SRGAP2B: variants seen among roughly 807,000 people sequenced by gnomAD.
SRGAP2B encodes the protein SLIT-ROBO Rho GTPase-activating protein 2B.
A neutral mutation model predicts 22.2 loss-of-function variants in SRGAP2B; 9 were observed. The ratio of observed to expected loss-of-function variants is 0.41; its 90% CI spans 0.24 to 0.71. The LOEUF (loss-of-function observed/expected upper bound fraction) is 0.71, where lower values mean the gene tolerates loss of function less well. Ranked by LOEUF, SRGAP2B falls within the 30% of genes least tolerant of loss-of-function variation. The pLI is 0.35. For synonymous variants in SRGAP2B, 36 were observed against 87.4 expected (o/e 0.41, Z 3.28); for missense variants, 114 against 235.8 (o/e 0.48, Z 3.38).
At chr1:145,006,639 A>G (rs1367429504) in intron 2 of SRGAP2B, among the ~76,000 whole-genome samples, 1 of 150,682 alleles carries the variant, frequency 6.6e-6, no homozygotes, top group East Asian at 1.9e-4. Context: ...CAACAACTCA[A>G]TATACATGTG....
At position 144,930,598 on chromosome 1, in the gene SRGAP2B, T is replaced by A. The variant is rs189960139; in HGVS notation, c.424-15844A>T. Reference sequence around the variant, plus strand: ...GGGGTCTGAGAAAGATTTGGGCATCTAGTTCGTGAGACATGTGAAAATGTC... The same window carrying A: ...GGGGTCTGAGAAAGATTTGGGCATCAAGTTCGTGAGACATGTGAAAATGTC... On this transcript the variant is annotated intron_variant, in intron 4 of 9. Transcript: ENST00000612199. Among the ~76,000 whole-genome samples, 225 of 150,790 alleles carry A rather than the reference T, an allele frequency of 1.5e-3. 6 individuals carry two copies. The highest frequency in any genetic ancestry group is 5.4e-3 in the African/African-American group (219 of 40,292).
chr1:144,924,620 T>C (rs1332501432), intron 4 of SRGAP2B, among the ~76,000 whole-genome samples: 1 of 151,224 alleles, frequency 6.6e-6, no homozygotes, highest in East Asian at 1.9e-4. Flanking sequence ...TAGTCCCAGC[T>C]ATTCGGGAGG....
intron 3 of SRGAP2B, among the ~76,000 whole-genome samples, chr1:144,991,384 G>C (rs1570946243): frequency 6.7e-6 from 1 of 150,374 alleles, no homozygotes; most frequent in South Asian, 2.1e-4. Context: ...TCGACACTCT[G>C]TATCTAGCTG....
At chr1:145,040,445 C>A (rs1400732270) in intron 2 of SRGAP2B, among the ~76,000 whole-genome samples, 6 of 149,676 alleles carry the variant, frequency 4.0e-5, no homozygotes, top group Admixed American at 3.3e-4. Flanking sequence ...TAAATTAGAT[C>A]ATTTAATTCA....
intron 4 of SRGAP2B, among the ~76,000 whole-genome samples, chr1:144,951,204 C>T (rs1274904396): frequency 2.0e-5 from 3 of 147,828 alleles, no homozygotes; most frequent in African/African-American, 7.8e-5. Flanking sequence ...CAGACAGGGT[C>T]TGGCTCTGTT....
chr1:145,017,694 AT>A (rs1192298979), intron 2 of SRGAP2B, among the ~76,000 whole-genome samples: 1 of 146,718 alleles, frequency 6.8e-6, no homozygotes, highest in Non-Finnish European at 1.5e-5. Flanking sequence ...ATTCATTGTT[AT>A]ATCCCAGCAC....
intron 3 of SRGAP2B, among the ~76,000 whole-genome samples, chr1:144,984,359 C>CAAA (rs1462439817): frequency 5.5e-5 from 7 of 127,034 alleles, no homozygotes; most frequent in East Asian, 4.3e-4. Flanking sequence ...ACAACAACAA[C>CAAA]AACAACAAAA....
chr1:144,967,552 A>G (rs1389515927), intron 3 of SRGAP2B, among the ~76,000 whole-genome samples: 3 of 148,786 alleles, frequency 2.0e-5, no homozygotes, highest in Admixed American at 6.7e-5. Flanking sequence ...AAGATCCAAA[A>G]TTGACACCCT....
chr1:144,956,436 T>C, intron 3 of SRGAP2B, among the ~76,000 whole-genome samples: 2 of 128,912 alleles, frequency 1.6e-5, no homozygotes, highest in African/African-American at 3.1e-5. Context: ...AGGTGCTCAT[T>C]CCCTTTTTTT....
At chr1:144,941,582 A>G (rs1389868077) in intron 4 of SRGAP2B, among the ~76,000 whole-genome samples, 10 of 150,054 alleles carry the variant, frequency 6.7e-5, no homozygotes, top group African/African-American at 2.5e-4. Flanking sequence ...TAGAAAAACT[A>G]AAAGACCAGA....
intron 4 of SRGAP2B, among the ~76,000 whole-genome samples, chr1:144,925,694 C>T (rs1321766051): frequency 1.8e-5 from 1 of 56,512 alleles, no homozygotes; most frequent in Non-Finnish European, 3.5e-5. Context: ...AGTGGGGGGG[C>T]AGAGAGAGAG....
intron 3 of SRGAP2B, among the ~76,000 whole-genome samples, chr1:144,971,194 G>A (rs1449871911): frequency 4.7e-5 from 7 of 147,510 alleles, no homozygotes; most frequent in South Asian, 2.1e-4. Context: ...GCAATGGTGC[G>A]ATCTCGGCTC....
intron 3 of SRGAP2B, among the ~76,000 whole-genome samples, chr1:144,972,784 A>C: frequency 6.7e-6 from 1 of 149,094 alleles, no homozygotes. Flanking sequence ...TTCTCAAAAA[A>C]TTAAGTAGGC....
chr1:145,016,829 G>C lies in SRGAP2B; in HGVS notation c.68-21629C>G, dbSNP rs1476230018. On this transcript the variant is annotated intron_variant, in intron 2 of 9. Coordinates refer to ENST00000612199, the Ensembl canonical transcript of SRGAP2B. ...GCAAAGTGTTACAGGTTCCAACAAA[G>C]AAAAGCACTCAAGTTTTTTTTTTTT... Among the ~76,000 whole-genome samples, 23 of 149,128 alleles carry C rather than the reference G, an allele frequency of 1.5e-4. 1 individual carries two copies. The highest frequency in any genetic ancestry group is 5.8e-4 in the African/African-American group (23 of 39,726).
At chr1:145,007,828 A>G (rs1347665018) in intron 2 of SRGAP2B, among the ~76,000 whole-genome samples, 1 of 88,392 alleles carries the variant, frequency 1.1e-5, no homozygotes, top group Non-Finnish European at 1.9e-5. Context: ...TTTTTTTGAG[A>G]TGGAGTCTCG....
At position 144,984,332 on chromosome 1, in the gene SRGAP2B, A is replaced by AAACAAC. The variant is rs1202934958; in HGVS notation, c.260+10670_260+10675dup. 9.6e-3 allele frequency among the ~76,000 whole-genome samples: 1,137 copies of AAACAAC among 118,416 alleles called. 21 individuals carry two copies. The highest frequency in any genetic ancestry group is 0.026 in the East Asian group (109 of 4,146). 77.7% of individuals were successfully genotyped at this position (118,416 alleles called of 152,430 possible). ...CGAAACTCCATCTAAAAAAAAACCC[A>AAACAAC]AACAACAACAACAACAACAACAACA... is the stretch of plus-strand genomic sequence containing the variant. On this transcript the variant is annotated intron_variant, in intron 3 of 9. Coordinates refer to ENST00000612199, the Ensembl canonical transcript of SRGAP2B.
chr1:145,089,115 C>G (rs1653729780), intron 2 of SRGAP2B, among the ~76,000 whole-genome samples: 1 of 151,242 alleles, frequency 6.6e-6, no homozygotes, highest in Non-Finnish European at 1.5e-5. Flanking sequence ...GGGACTTGAG[C>G]ATCTGCAGAT....
At chr1:145,076,316 C>T (rs1205848999) in intron 2 of SRGAP2B, among the ~76,000 whole-genome samples, 1 of 149,504 alleles carries the variant, frequency 6.7e-6, no homozygotes, top group Non-Finnish European at 1.5e-5. Context: ...TACACATCAC[C>T]ATGCCTGGCT....
chr1:144,983,107 T>A (rs879982468), intron 3 of SRGAP2B, among the ~76,000 whole-genome samples: 5 of 148,436 alleles, frequency 3.4e-5, no homozygotes, highest in African/African-American at 5.3e-5. Context: ...TCCCAGGAAG[T>A]CAGGGGTTTT....
Sources: allele counts gnomAD v4.1 joint callset (sites outside exome capture counted in the v4.1 genomes callset), GRCh38; gene constraint gnomAD v4.1.1; transcripts MANE v1.5; gene names NCBI Gene and HGNC (gene_info 2026-07-23, HGNC 2026-07-21).